The following RGS17 variants were observed in gnomAD, a reference collection of about 807,000 sequenced individuals.
The protein encoded by RGS17 is regulator of G protein signaling 17.
RGS17 carries 12 observed loss-of-function variants against 25.5 expected under a neutral mutation model. That is an observed-to-expected ratio of 0.47 (90% CI 0.30 to 0.76). The LOEUF (loss-of-function observed/expected upper bound fraction) is 0.76, where lower values mean the gene tolerates loss of function less well. RGS17 is among the 30% of genes least tolerant of loss of function. The pLI is 0.07. For missense variants in RGS17, 196 were observed against 242.2 expected, an observed-to-expected ratio of 0.81 and a Z score of 1.27; for synonymous variants, 71 against 76.9, an observed-to-expected ratio of 0.92 and a Z score of 0.40.
At chr6:153,046,627 T>A (rs1776387763) in intron 1 of RGS17, among the ~76,000 whole-genome samples, 1 of 152,134 alleles carries the variant, frequency 6.6e-6, no homozygotes, top group Admixed American at 6.6e-5. Context: ...CATAATCATT[T>A]CTTTCCCAAA....
At chr6:153,111,863 C>G (rs774611305) in intron 1 of RGS17, among the ~76,000 whole-genome samples, 1 of 152,184 alleles carries the variant, frequency 6.6e-6, no homozygotes, top group South Asian at 2.1e-4. Context: ...AGAAGCAAAA[C>G]TAGCAAACAG....
At chr6:153,039,432 C>A (rs1377284163) in intron 2 of RGS17, among the ~76,000 whole-genome samples, 1 of 152,102 alleles carries the variant, frequency 6.6e-6, no homozygotes, top group African/African-American at 2.4e-5. Flanking sequence ...ATACTTCATT[C>A]TTCTCCTCTC....
chr6:153,050,031 T>C (rs1210918745), intron 1 of RGS17, among the ~76,000 whole-genome samples: 3 of 152,182 alleles, frequency 2.0e-5, no homozygotes, highest in Non-Finnish European at 4.4e-5. Flanking sequence ...AATTAGAGTA[T>C]GCAACTTTAT....
At chr6:153,120,544 TGTG>T (rs1343937548) in intron 1 of RGS17, among the ~76,000 whole-genome samples, 3 of 152,294 alleles carry the variant, frequency 2.0e-5, no homozygotes, top group Non-Finnish European at 4.4e-5. Context: ...CAGCTGAAAT[TGTG>T]GTGTTCCTAC....
At chr6:153,111,813 G>A (rs1416098471) in intron 1 of RGS17, among the ~76,000 whole-genome samples, 1 of 152,196 alleles carries the variant, frequency 6.6e-6, no homozygotes, top group African/African-American at 2.4e-5. Context: ...GTCTGGAGTG[G>A]ACCTCCTGTA....
At chr6:153,121,238 T>C (rs2129126924) in intron 1 of RGS17, among the ~76,000 whole-genome samples, 1 of 152,306 alleles carries the variant, frequency 6.6e-6, no homozygotes, top group Non-Finnish European at 1.5e-5. Flanking sequence ...ACACAGGCTG[T>C]ATTTACCAAT....
In RGS17 at chr6:153,053,956, ATATAT is replaced by A. The variant is rs1231955136; in HGVS notation, c.-25-9918_-25-9914del. The stretch of plus-strand genomic sequence containing the variant: ...ATATGTATATATAATATATATACAT[ATATAT>A]TATATACATATATATGTATATATGT... On this transcript the variant is annotated intron_variant, in intron 1 of 4. Coordinates refer to ENST00000206262, the MANE Select transcript of RGS17 (RefSeq NM_012419.5). 1.3e-4 allele frequency among the ~76,000 whole-genome samples: 6 copies of A among 46,266 alleles called. 1 individual carries two copies. The highest frequency in any genetic ancestry group is 1.4e-3 in the East Asian group (2 of 1,406). The allele number at this position is 46,266 out of a possible 152,430, so 30.4% of individuals were successfully genotyped here. A position where few individuals can be genotyped will look rare whatever the true frequency, so the allele number is the denominator to read the frequency against.
intron 1 of RGS17, among the ~76,000 whole-genome samples, chr6:153,053,015 C>T (rs73012482): frequency 0.081 from 11,215 of 138,246 alleles, 444 homozygotes; most frequent in African/African-American, 0.097. Flanking sequence ...ACCATACTGG[C>T]ACCTTGATCT....
chr6:153,101,918 T>C (rs1777309667), intron 1 of RGS17, among the ~76,000 whole-genome samples: 1 of 152,132 alleles, frequency 6.6e-6, no homozygotes, highest in African/African-American at 2.4e-5. Context: ...GAACTGTGAG[T>C]CAACTAAACA....
intron 1 of RGS17, among the ~76,000 whole-genome samples, chr6:153,088,861 T>C (rs1207855146): frequency 6.6e-6 from 1 of 152,192 alleles, no homozygotes; most frequent in East Asian, 1.9e-4. Context: ...TAGTACCATG[T>C]ATTTTTAGCT....
intron 1 of RGS17, among the ~76,000 whole-genome samples, chr6:153,045,141 A>C (rs1776371887): frequency 6.6e-6 from 1 of 152,208 alleles, no homozygotes; most frequent in Admixed American, 6.5e-5. Flanking sequence ...TGCATTCTTG[A>C]AAACCAGATA....
chr6:153,082,710 CTG>C (rs1777002587), intron 1 of RGS17, among the ~76,000 whole-genome samples: 1 of 152,032 alleles, frequency 6.6e-6, no homozygotes, highest in South Asian at 2.1e-4. Flanking sequence ...TCATATTTTA[CTG>C]TGTTTTTGCA....
At chr6:153,114,881 C>G (rs560722843) in intron 1 of RGS17, among the ~76,000 whole-genome samples, 1 of 152,094 alleles carries the variant, frequency 6.6e-6, no homozygotes, top group Admixed American at 6.5e-5. Flanking sequence ...ATTCAACACC[C>G]CTTCATGCTA....
chr6:153,082,473 A>G (rs1776999303), intron 1 of RGS17, among the ~76,000 whole-genome samples: 1 of 151,914 alleles, frequency 6.6e-6, no homozygotes, highest in South Asian at 2.1e-4. Flanking sequence ...CATTTTTTCC[A>G]CAATCTAATC....
chr6:153,091,475 A>ATT (rs35909335), intron 1 of RGS17, among the ~76,000 whole-genome samples: 15 of 145,770 alleles, frequency 1.0e-4, no homozygotes, highest in African/African-American at 2.5e-4. Context: ...TACTTTACAG[A>ATT]TTTTTTTTTT....
At chr6:153,104,270 G>A (rs559778590) in intron 1 of RGS17, among the ~76,000 whole-genome samples, 2 of 152,250 alleles carry the variant, frequency 1.3e-5, no homozygotes, top group South Asian at 2.1e-4. Context: ...TATAGAACTC[G>A]ATAGCTGTTG....
chr6:153,025,375 G>A (rs1779288614), intron 3 of RGS17, among the ~76,000 whole-genome samples: 1 of 151,800 alleles, frequency 6.6e-6, no homozygotes, highest in Admixed American at 6.6e-5. Context: ...CATGAATGGA[G>A]TTATCATAAT....
At chr6:153,061,971 T>C (rs545371744) in intron 1 of RGS17, among the ~76,000 whole-genome samples, 4 of 152,286 alleles carry the variant, frequency 2.6e-5, no homozygotes, top group African/African-American at 7.2e-5. Context: ...ATACGAAAGA[T>C]AGAATCAAAT....
At chr6:153,012,086 G>A (rs1779139385) in intron 4 of RGS17, among the ~76,000 whole-genome samples, 2 of 152,266 alleles carry the variant, frequency 1.3e-5, no homozygotes, top group Admixed American at 1.3e-4. Flanking sequence ...AAATTTCCTA[G>A]CCAGAATGTG....
Sources: allele counts gnomAD v4.1 joint callset (sites outside exome capture counted in the v4.1 genomes callset), GRCh38; gene constraint gnomAD v4.1.1; transcripts MANE v1.5; gene names NCBI Gene and HGNC (gene_info 2026-07-23, HGNC 2026-07-21).